The following SLC24A2 variants were observed in gnomAD, a reference collection of about 807,000 sequenced individuals.
SLC24A2 encodes sodium/potassium/calcium exchanger 2.
A neutral mutation model predicts 62.0 loss-of-function variants in SLC24A2; 36 were observed. That is an observed-to-expected ratio of 0.58 (90% CI 0.44 to 0.77). The LOEUF (loss-of-function observed/expected upper bound fraction) is 0.77. Among genes scored for constraint, SLC24A2 ranks in the 30% least tolerant of loss-of-function variants. The probability of loss-of-function intolerance (pLI) is 0.00; values close to 1 mark genes in which losing one functional copy is unlikely to be tolerated. For missense variants in SLC24A2, 846 were observed against 817.9 expected, an observed-to-expected ratio of 1.03 and a Z score of -0.42; for synonymous variants, 358 against 294.0, an observed-to-expected ratio of 1.22 and a Z score of -2.23.
the SLC24A2 span, among the ~76,000 whole-genome samples, chr9:19,841,968 C>T: frequency 6.6e-6 from 1 of 152,170 alleles, no homozygotes; most frequent in Non-Finnish European, 1.5e-5. Context: ...AATTATCTGT[C>T]TAATATTACT....
chr9:19,823,431 T>A, the SLC24A2 span, among the ~76,000 whole-genome samples: 1 of 152,086 alleles, frequency 6.6e-6, no homozygotes, highest in African/African-American at 2.4e-5. Context: ...GTAAAGAATT[T>A]TCTTACTTAA....
chr9:20,209,294 C>G, the SLC24A2 span, among the ~76,000 whole-genome samples: 5 of 152,176 alleles, frequency 3.3e-5, no homozygotes, highest in Admixed American at 3.3e-4. Flanking sequence ...TGTAATGAAT[C>G]ACCCTGTTTT....
chr9:19,730,928 G>A (rs12685262), intron 2 of SLC24A2, among the ~76,000 whole-genome samples: 13,720 of 151,502 alleles, frequency 0.091, 631 homozygotes, highest in South Asian at 0.14. Flanking sequence ...TGGAAAAAAA[G>A]ATATTCATCT....
chr9:19,847,962 T>G, the SLC24A2 span, among the ~76,000 whole-genome samples: 1 of 152,194 alleles, frequency 6.6e-6, no homozygotes, highest in African/African-American at 2.4e-5. Flanking sequence ...CATCCCAGCT[T>G]TGAATCTTAT....
chr9:19,915,866 C>T, the SLC24A2 span, among the ~76,000 whole-genome samples: 2 of 151,798 alleles, frequency 1.3e-5, no homozygotes, highest in South Asian at 4.2e-4. Context: ...TTCTTATATT[C>T]TCTGGGTCAT....
chr9:19,764,777 G>C lies in SLC24A2; in HGVS notation c.930+21160C>G, dbSNP rs528633379. ...TGCAGAGAAGAATGTGTATTCTGTTGATCTGGGGTGGAGAGTTCTGTAGAT... is the reference window on the plus strand; with the variant it reads ...TGCAGAGAAGAATGTGTATTCTGTTCATCTGGGGTGGAGAGTTCTGTAGAT... On this transcript the variant is annotated intron_variant, in intron 2 of 10. Coordinates refer to ENST00000341998, the MANE Select transcript of SLC24A2 (RefSeq NM_020344.4). Among the ~76,000 whole-genome samples, 108 of 152,322 alleles carry C rather than the reference G, an allele frequency of 7.1e-4. No homozygotes were observed. The Middle Eastern group carries it at 0.024, about 34-fold the overall frequency.
the SLC24A2 span, among the ~76,000 whole-genome samples, chr9:19,837,453 C>T: frequency 1.8e-4 from 12 of 66,432 alleles, no homozygotes; most frequent in East Asian, 9.4e-4. Context: ...AGCGAGACTC[C>T]GTCTCAAAAA....
At chr9:19,976,824 A>G in the SLC24A2 span, among the ~76,000 whole-genome samples, 1 of 152,194 alleles carries the variant, frequency 6.6e-6, no homozygotes, top group Non-Finnish European at 1.5e-5. Flanking sequence ...TGGTTCCAGT[A>G]TTCTGCTATT....
At chr9:19,914,702 T>G in the SLC24A2 span, among the ~76,000 whole-genome samples, 1 of 152,214 alleles carries the variant, frequency 6.6e-6, no homozygotes, top group African/African-American at 2.4e-5. Flanking sequence ...CTTGCCTTGT[T>G]GTTAACAAAG....
chr9:19,543,360 C>T (rs890301128), intron 8 of SLC24A2, among the ~76,000 whole-genome samples: 1 of 148,318 alleles, frequency 6.7e-6, no homozygotes, highest in East Asian at 2.0e-4. Flanking sequence ...ATTTTTTGAT[C>T]TTTTCAAGAA....
Position 19,509,388 on chromosome 9 carries a change from A to G in SLC24A2, c.*6765T>C, listed in dbSNP as rs1419712600. 2 of 152,218 alleles carry G rather than the reference A, an allele frequency of 1.3e-5. No individual in the cohort carries two copies. Among genetic ancestry groups the G allele is most frequent in the African/African-American group, 4.8e-5 (2 of 41,468 alleles). 9.4% of individuals were successfully genotyped at this position (152,218 alleles called of 1,614,324 possible). On this transcript the variant is annotated 3_prime_UTR_variant, in exon 11 of 11. Coordinates refer to ENST00000341998, the MANE Select transcript of SLC24A2 (RefSeq NM_020344.4). ...ACAATAATTGTAGTTAATAAAAAAT[A>G]GAACAGATAAACTCCAATTTACAAT...
intron 4 of SLC24A2, among the ~76,000 whole-genome samples, chr9:19,603,534 T>C (rs1836899841): frequency 6.6e-6 from 1 of 150,964 alleles, no homozygotes. Flanking sequence ...TGCTGATGCT[T>C]CTGTAAGCCA....
At chr9:20,033,157 T>C in the SLC24A2 span, among the ~76,000 whole-genome samples, 1 of 152,212 alleles carries the variant, frequency 6.6e-6, no homozygotes, top group Non-Finnish European at 1.5e-5. Flanking sequence ...AACATGACTG[T>C]GTGGCTTTCT....
chr9:20,111,764 G>C, the SLC24A2 span, among the ~76,000 whole-genome samples: 1 of 152,022 alleles, frequency 6.6e-6, no homozygotes, highest in Non-Finnish European at 1.5e-5. Context: ...AATGTTAATG[G>C]CTTATTAAGA....
At chr9:19,776,941 C>G (rs895898734) in intron 2 of SLC24A2, among the ~76,000 whole-genome samples, 2 of 152,162 alleles carry the variant, frequency 1.3e-5, no homozygotes, top group Non-Finnish European at 1.5e-5. Flanking sequence ...TACAGAATCC[C>G]CCTTAGGTTA....
the SLC24A2 span, among the ~76,000 whole-genome samples, chr9:19,795,549 G>C: frequency 4.6e-5 from 7 of 152,016 alleles, no homozygotes; most frequent in Non-Finnish European, 7.4e-5. Context: ...ATATTCAAAG[G>C]TTTTAGCTGT....
chr9:20,149,282 A>G, the SLC24A2 span, among the ~76,000 whole-genome samples: 1 of 152,080 alleles, frequency 6.6e-6, no homozygotes, highest in African/African-American at 2.4e-5. Context: ...TCACTCTTCC[A>G]TCTATGGCTC....
At chr9:20,068,328 C>T in the SLC24A2 span, among the ~76,000 whole-genome samples, 1 of 152,084 alleles carries the variant, frequency 6.6e-6, no homozygotes, top group Admixed American at 6.6e-5. Flanking sequence ...TCCCAAAGTG[C>T]CGGAATTACA....
the SLC24A2 span, among the ~76,000 whole-genome samples, chr9:19,805,760 CTTTT>C: frequency 7.1e-6 from 1 of 140,524 alleles, no homozygotes; most frequent in Non-Finnish European, 1.5e-5. Context: ...GAGCTTGATA[CTTTT>C]TTTTTTTTTC....
Sources: allele counts gnomAD v4.1 joint callset (sites outside exome capture counted in the v4.1 genomes callset), GRCh38; gene constraint gnomAD v4.1.1; transcripts MANE v1.5; gene names NCBI Gene and HGNC (gene_info 2026-07-23, HGNC 2026-07-21).